Variants in GOLM1 observed in about 807,000 individuals in gnomAD.
GOLM1 encodes the protein epididymis luminal protein 46.
GOLM1 carries 31 observed loss-of-function variants against 50.5 expected under a neutral mutation model. That is an observed-to-expected ratio of 0.61 (90% CI 0.46 to 0.83). The LOEUF (loss-of-function observed/expected upper bound fraction) is 0.83. GOLM1 is among the 40% of genes least tolerant of loss of function. The pLI is 0.00. For missense variants in GOLM1, 491 were observed against 501.3 expected (o/e 0.98, Z 0.20); for synonymous variants, 178 against 192.8 (o/e 0.92, Z 0.64).
chr9:86,075,170 T>C, intron 3 of GOLM1, among the ~76,000 whole-genome samples: 1 of 152,216 alleles, frequency 6.6e-6, no homozygotes, highest in Non-Finnish European at 1.5e-5. Context: ...ATCTGCCCCG[T>C]CTTGATCTCT....
chr9:86,097,510 A>G (rs1183630255), intron 1 of GOLM1, among the ~76,000 whole-genome samples: 1 of 152,158 alleles, frequency 6.6e-6, no homozygotes, highest in African/African-American at 2.4e-5. Context: ...GCAGAATTTA[A>G]GCCAAAGGCA....
At chr9:86,088,380 C>CA (rs1375465654) in intron 1 of GOLM1, among the ~76,000 whole-genome samples, 1 of 135,442 alleles carries the variant, frequency 7.4e-6, no homozygotes, top group East Asian at 2.2e-4. Flanking sequence ...TTAATCTTTT[C>CA]AAAAAACCAG....
chr9:86,037,436 CTCAA>C (rs1833181959), intron 6 of GOLM1, among the ~76,000 whole-genome samples: 1 of 118,060 alleles, frequency 8.5e-6, no homozygotes, highest in Admixed American at 9.0e-5. Flanking sequence ...GAGACTGTCT[CTCAA>C]AAAAAAAAAA....
chr9:86,058,800 C>T (rs948290251), intron 3 of GOLM1, among the ~76,000 whole-genome samples: 10 of 151,622 alleles, frequency 6.6e-5, no homozygotes, highest in African/African-American at 2.4e-4. Context: ...GGTTCAAGAC[C>T]AGCCCGGCCA....
chr9:86,052,801 G>GTCC (rs1564346666), intron 3 of GOLM1, among the ~76,000 whole-genome samples: 10 of 152,104 alleles, frequency 6.6e-5, no homozygotes, highest in Middle Eastern at 3.4e-3. Context: ...CACCGCCTCT[G>GTCC]GACCCGAGCA....
chr9:86,066,149 CA>C lies in GOLM1; in HGVS notation c.309+11262del, dbSNP rs540069708. 5.9e-5 allele frequency among the ~76,000 whole-genome samples: 9 copies of C among 152,292 alleles called. No homozygotes were observed. The East Asian group carries it at 1.7e-3, about 29-fold the overall frequency. On this transcript the variant is annotated intron_variant, in intron 3 of 9. Coordinates refer to ENST00000388712, the MANE Select transcript of GOLM1 (RefSeq NM_016548.4). ...ATTTTGAAGAGGCAAAATCTTTCAG[CA>C]AAAGTCACTCATAAACAAATGCTGT...
chr9:86,096,853 G>GT (rs914203941), intron 1 of GOLM1, among the ~76,000 whole-genome samples: 73 of 152,086 alleles, frequency 4.8e-4, no homozygotes, highest in South Asian at 1.2e-3. Context: ...TGTTAAAAAA[G>GT]TTTTTTTATT....
At chr9:86,074,224 C>T (rs1434881507) in intron 3 of GOLM1, among the ~76,000 whole-genome samples, 1 of 134,936 alleles carries the variant, frequency 7.4e-6, no homozygotes, top group Non-Finnish European at 1.5e-5. Flanking sequence ...AAATGCTAAC[C>T]TTCTAAGATT....
At chr9:86,096,449 G>T (rs1835358430) in intron 1 of GOLM1, among the ~76,000 whole-genome samples, 1 of 152,158 alleles carries the variant, frequency 6.6e-6, no homozygotes, top group African/African-American at 2.4e-5. Context: ...TTAAAGTGTG[G>T]TCCCCATATT....
Position 86,046,685 on chromosome 9 carries a change from T to C in GOLM1, c.365-113A>G, listed in dbSNP as rs184738517. ...TCAGACCATAAAGGGCAAGGACAGA[T>C]TGGGACAAAGGAGGGGAGAGAGAAA... On this transcript the variant is annotated intron_variant, in intron 4 of 9. Coordinates refer to ENST00000388712, the MANE Select transcript of GOLM1 (RefSeq NM_016548.4). 1.2e-3 allele frequency: 841 copies of C among 711,154 alleles called. 5 individuals are homozygous for C. In the African/African-American group the frequency reaches 0.012, roughly 10 times the overall value. 44.1% of individuals were successfully genotyped at this position (711,154 alleles called of 1,614,324 possible). A position where few individuals can be genotyped will look rare whatever the true frequency, so the allele number is the denominator to read the frequency against.
At position 86,027,568 on chromosome 9, in the gene GOLM1, A is replaced by ACTT; in HGVS notation, c.*246_*248dup. 2.4e-6 allele frequency: 3 copies of ACTT among 1,271,906 alleles called. No homozygotes were observed. The highest frequency in any genetic ancestry group is 2.3e-5 in the South Asian group (1 of 42,568). 78.8% of individuals were successfully genotyped at this position (1,271,906 alleles called of 1,614,324 possible). On this transcript the variant is annotated 3_prime_UTR_variant, in exon 10 of 10. Coordinates refer to ENST00000388712, the MANE Select transcript of GOLM1 (RefSeq NM_016548.4). ...AACTATGTTCCAGTTTTGGTGTTGA[A>ACTT]CTTCTCACGAAATACCTACTACCAA...
chr9:86,059,386 A>T (rs149790018), intron 3 of GOLM1, among the ~76,000 whole-genome samples: 1 of 152,268 alleles, frequency 6.6e-6, no homozygotes, highest in East Asian at 1.9e-4. Flanking sequence ...TTACCGACAC[A>T]TGCTACAACA....
chr9:86,035,671 TAAAAAAAAAA>T (rs375193474), intron 7 of GOLM1, 46 bp from the exon 8 acceptor site: 22 of 873,130 alleles, frequency 2.5e-5, no homozygotes, highest in African/African-American at 7.1e-5. Context: ...GCATTTGATT[TAAAAAAAAAA>T]AAAAAAAAAA....
Position 86,046,557 on chromosome 9 carries a change from A to C in GOLM1, c.380T>G (p.Leu127Arg), listed in dbSNP as rs764443794. ...IRVLQDQLKT[L>R]QRNYGRLQQD... ...CTGCAGCCTGCCGTAATTCCTCTGC[A>C]GGGTCTTTAACTGGTCTACACCAAG... Residue 127 changes from leucine (L) to arginine (R), a missense_variant, in exon 5 of 10, where the codon CTG (leucine) becomes CGG (arginine). By Grantham distance (102) the Leu-to-Arg change is moderately radical. Coordinates refer to ENST00000388712, the MANE Select transcript of GOLM1 (RefSeq NM_016548.4). 1 of 1,610,538 alleles carries C rather than the reference A, an allele frequency of 6.2e-7. No individual in the cohort carries two copies. Among genetic ancestry groups the C allele is most frequent in the Non-Finnish European group, 8.5e-7 (1 of 1,177,486 alleles).
intron 4 of GOLM1, among the ~76,000 whole-genome samples, chr9:86,051,356 G>A (rs1332376484): frequency 6.6e-6 from 1 of 152,194 alleles, no homozygotes; most frequent in Non-Finnish European, 1.5e-5. Flanking sequence ...TTGGGGTGGA[G>A]AGTTCTATAG....
intron 7 of GOLM1, among the ~76,000 whole-genome samples, chr9:86,035,843 C>T (rs1280913269): frequency 8.3e-6 from 1 of 120,602 alleles, no homozygotes; most frequent in African/African-American, 3.7e-5. Flanking sequence ...GTCAGAACCG[C>T]GACAAAGGGA....
At chr9:86,078,642 A>C (rs1233132068) in intron 2 of GOLM1, among the ~76,000 whole-genome samples, 1 of 152,150 alleles carries the variant, frequency 6.6e-6, no homozygotes. Context: ...ACGGCTCAGA[A>C]GGGCCCGACT....
At chr9:86,053,660 ACTC>A (rs1833881993) in intron 3 of GOLM1, among the ~76,000 whole-genome samples, 1 of 61,598 alleles carries the variant, frequency 1.6e-5, no homozygotes, top group Non-Finnish European at 5.8e-5. Flanking sequence ...ATGCTACACC[ACTC>A]CACACACGGC....
intron 1 of GOLM1, among the ~76,000 whole-genome samples, chr9:86,098,986 G>C (rs1299329117): frequency 6.6e-6 from 1 of 152,216 alleles, no homozygotes; most frequent in Non-Finnish European, 1.5e-5. Context: ...GGCTCGGCCA[G>C]CCTCCCGCGC....
Sources: allele counts gnomAD v4.1 joint callset (sites outside exome capture counted in the v4.1 genomes callset), GRCh38; gene constraint gnomAD v4.1.1; transcripts MANE v1.5; gene names NCBI Gene and HGNC (gene_info 2026-07-23, HGNC 2026-07-21).